Variants in DGUOK observed in about 807,000 individuals in gnomAD.
The protein encoded by DGUOK is deoxyguanosine kinase, mitochondrial.
Under a neutral mutation model 36.6 loss-of-function variants are expected in DGUOK, and 30 were observed. The observed-to-expected ratio is 0.82, with a 90% CI of 0.61 to 1.11. The LOEUF is 1.11. Ranked by LOEUF, DGUOK falls within the 50% of genes most tolerant of loss-of-function variation. DGUOK has a pLI of 0.00. For synonymous variants in DGUOK, 145 were observed against 126.3 expected (o/e 1.15, Z -0.99); for missense variants, 361 against 336.4 (o/e 1.07, Z -0.57).
intron 1 of DGUOK, among the ~76,000 whole-genome samples, chr2:73,938,267 A>AT (rs1333834207): frequency 6.6e-6 from 1 of 151,924 alleles, no homozygotes; most frequent in Non-Finnish European, 1.5e-5. Flanking sequence ...CTCAGATGTC[A>AT]TTTTTTCAAG....
At chr2:73,954,045 G>A (rs567840464) in intron 4 of DGUOK, among the ~76,000 whole-genome samples, 151 of 151,972 alleles carry the variant, frequency 9.9e-4, no homozygotes, top group African/African-American at 3.4e-3. Context: ...CCAGCAAGCC[G>A]GGCCAGACTG....
At chr2:73,931,871 C>T (rs370067210) in intron 1 of DGUOK, among the ~76,000 whole-genome samples, 8 of 152,032 alleles carry the variant, frequency 5.3e-5, no homozygotes, top group African/African-American at 1.9e-4. Context: ...AGAGAAGTGA[C>T]GGTTTCAGAG....
intron 1 of DGUOK, among the ~76,000 whole-genome samples, chr2:73,934,115 T>C (rs980278653): frequency 6.6e-6 from 1 of 152,158 alleles, no homozygotes; most frequent in African/African-American, 2.4e-5. Flanking sequence ...GGATCTGTTA[T>C]TTTGGGTATT....
chr2:73,938,561 T>C (rs1464907208), intron 1 of DGUOK, among the ~76,000 whole-genome samples: 1 of 152,230 alleles, frequency 6.6e-6, no homozygotes, highest in Non-Finnish European at 1.5e-5. Flanking sequence ...ACTGTCACAG[T>C]ACAAATAGAA....
chr2:73,930,632 C>T (rs1259631548), intron 1 of DGUOK, among the ~76,000 whole-genome samples: 2 of 152,110 alleles, frequency 1.3e-5, no homozygotes, highest in East Asian at 1.9e-4. Context: ...TCTGCTTCTT[C>T]CTTGCTTTCT....
At chr2:73,938,786 T>C (rs534254422) in intron 1 of DGUOK, 124 bp from the exon 2 acceptor site, 1 of 745,496 alleles carries the variant, frequency 1.3e-6, no homozygotes, top group South Asian at 1.4e-5. Context: ...GGCTGCTGAG[T>C]TTGAAATTCA....
intron 5 of DGUOK, among the ~76,000 whole-genome samples, chr2:73,957,526 T>G (rs184560100): frequency 1.3e-5 from 2 of 152,108 alleles, no homozygotes; most frequent in Admixed American, 1.3e-4. Context: ...ATAGAAAAAT[T>G]AGCCAGGTGT....
intron 4 of DGUOK, among the ~76,000 whole-genome samples, chr2:73,951,601 A>G (rs184071391): frequency 3.2e-4 from 48 of 152,284 alleles, no homozygotes; most frequent in African/African-American, 1.0e-3. Context: ...TGGAACTGAG[A>G]CTTGTGGGCA....
chr2:73,934,568 C>A (rs1222812149), intron 1 of DGUOK, among the ~76,000 whole-genome samples: 2 of 152,090 alleles, frequency 1.3e-5, no homozygotes, highest in Non-Finnish European at 2.9e-5. Context: ...GCCTGGCCAA[C>A]ATGGCGAAAC....
chr2:73,936,967 G>T (rs1334478058), intron 1 of DGUOK, among the ~76,000 whole-genome samples: 2 of 152,152 alleles, frequency 1.3e-5, no homozygotes, highest in African/African-American at 4.8e-5. Flanking sequence ...AGTAAGAGTT[G>T]GTCAGGTGAG....
At chr2:73,938,530 T>A (rs1427769398) in intron 1 of DGUOK, among the ~76,000 whole-genome samples, 2 of 152,226 alleles carry the variant, frequency 1.3e-5, no homozygotes, top group Non-Finnish European at 2.9e-5. Flanking sequence ...TTTTTTGTCT[T>A]GAAAAACTTA....
At chr2:73,942,100 G>A (rs1681948970) in intron 2 of DGUOK, among the ~76,000 whole-genome samples, 1 of 151,812 alleles carries the variant, frequency 6.6e-6, no homozygotes, top group Admixed American at 6.6e-5. Flanking sequence ...AGTAGAGATG[G>A]GGTTTCACCA....
rs756540646 is a variant in DGUOK at position 73,958,174 on chromosome 2, C to T, written c.736C>T (p.Pro246Ser). 1 of 1,613,658 alleles carries T rather than the reference C, an allele frequency of 6.2e-7. No homozygotes were observed. The highest frequency in any genetic ancestry group is 8.5e-7 in the Non-Finnish European group (1 of 1,179,794). ...KLHFEALMNI[P>S]VLVLDVNDDF... ...CCACTTTGAGGCTCTGATGAACATT[C>T]CAGTGCTGGTGTTGGATGTCAATGA... Residue 246 changes from proline to serine, a missense_variant, in exon 6 of 7, where the codon CCA (proline) becomes TCA (serine). By Grantham distance (74) the Pro-to-Ser change is moderately conservative. Coordinates refer to ENST00000264093, the MANE Select transcript of DGUOK (RefSeq NM_080916.3).
intron 5 of DGUOK, among the ~76,000 whole-genome samples, chr2:73,957,795 G>C (rs954575140): frequency 6.6e-6 from 1 of 152,200 alleles, no homozygotes; most frequent in Non-Finnish European, 1.5e-5. Context: ...GATGGTGATA[G>C]TTGGCTCAGC....
intron 2 of DGUOK, among the ~76,000 whole-genome samples, chr2:73,942,110 A>G (rs943919592): frequency 1.3e-5 from 2 of 152,036 alleles, no homozygotes; most frequent in African/African-American, 4.8e-5. Context: ...GGGTTTCACC[A>G]TGTTGGCCAG....
At chr2:73,933,034 T>C (rs1681175573) in intron 1 of DGUOK, among the ~76,000 whole-genome samples, 1 of 152,204 alleles carries the variant, frequency 6.6e-6, no homozygotes, top group Non-Finnish European at 1.5e-5. Flanking sequence ...TTTTACCTTA[T>C]TTTCAAAGAC....
In DGUOK at chr2:73,957,115, TG is replaced by T. The variant is rs749290011; in HGVS notation, c.592-9del. 1.5e-4 allele frequency: 236 copies of T among 1,606,100 alleles called. No homozygotes were observed. The highest frequency in any genetic ancestry group is 1.9e-4 in the Non-Finnish European group (228 of 1,172,990). ...AAAGAGCTCATCAGGGCTTGGGGAC[TG>T]TCTTTTAGGTTTGTTTGAAGAGACT... On this transcript the variant is annotated splice_polypyrimidine_tract_variant and intron_variant, in intron 4 of 6. Transcript: ENST00000264093.
At chr2:73,935,116 C>T (rs772391852) in intron 1 of DGUOK, among the ~76,000 whole-genome samples, 3 of 151,972 alleles carry the variant, frequency 2.0e-5, no homozygotes, top group Non-Finnish European at 4.4e-5. Flanking sequence ...ACAGGTCAAA[C>T]ATACTGGACA....
intron 1 of DGUOK, among the ~76,000 whole-genome samples, chr2:73,935,205 C>T (rs1378131848): frequency 6.6e-6 from 1 of 152,212 alleles, no homozygotes; most frequent in East Asian, 1.9e-4. Flanking sequence ...CACACCACTG[C>T]ACTCCAGCCT....
Sources: allele counts gnomAD v4.1 joint callset (sites outside exome capture counted in the v4.1 genomes callset), GRCh38; gene constraint gnomAD v4.1.1; transcripts MANE v1.5; gene names NCBI Gene and HGNC (gene_info 2026-07-23, HGNC 2026-07-21).